The following CNTN5 variants were observed in gnomAD, a reference collection of about 807,000 sequenced individuals.
The protein encoded by CNTN5 is contactin-5.
In CNTN5, 77 loss-of-function variants were observed where a neutral mutation model predicts 129.1. The ratio of observed to expected loss-of-function variants is 0.60; its 90% confidence interval spans 0.50 to 0.72. CNTN5 has a LOEUF of 0.72. Ranked by LOEUF, CNTN5 falls within the 30% of genes least tolerant of loss-of-function variation. The pLI is 0.00. For synonymous variants in CNTN5, 509 were observed against 465.6 expected (o/e 1.09, Z -1.20); for missense variants, 1,478 against 1,328.8 (o/e 1.11, Z -1.75).
In CNTN5 at chr11:99,846,269, A is replaced by C. The variant is rs189037409; in HGVS notation, c.577+1007A>C. Among the ~76,000 whole-genome samples the C allele has an allele frequency of 4.3e-3, 630 of 148,198 alleles. 18 individuals are homozygous for C. The highest frequency in any genetic ancestry group is 0.036 in the Admixed American group (520 of 14,460). ...GCTACCTGGGAGGCTGAGGCAGGAGAATTGCTTGAACCTGGGAGGTGGAGG... is the reference window on the plus strand; with the variant it reads ...GCTACCTGGGAGGCTGAGGCAGGAGCATTGCTTGAACCTGGGAGGTGGAGG... On this transcript the variant is annotated intron_variant, in intron 6 of 24. Transcript: ENST00000524871.
At chr11:99,112,357 G>A (rs554980198) in intron 1 of CNTN5, among the ~76,000 whole-genome samples, 5 of 151,884 alleles carry the variant, frequency 3.3e-5, no homozygotes, top group Non-Finnish European at 1.5e-5. Flanking sequence ...TCTGAAATAC[G>A]CTTTTTCCTA....
intron 4 of CNTN5, among the ~76,000 whole-genome samples, chr11:99,840,716 G>A (rs765481256): frequency 1.6e-4 from 25 of 152,076 alleles, no homozygotes; most frequent in Non-Finnish European, 3.4e-4. Flanking sequence ...CAAATGTGTC[G>A]AAGGCTTCTA....
chr11:99,254,524 C>T (rs1449209597), intron 1 of CNTN5, among the ~76,000 whole-genome samples: 1 of 151,846 alleles, frequency 6.6e-6, no homozygotes, highest in Non-Finnish European at 1.5e-5. Context: ...ATTGCTTTGG[C>T]TAATTTTATT....
At chr11:99,206,831 T>C (rs904189650) in intron 1 of CNTN5, among the ~76,000 whole-genome samples, 5 of 152,184 alleles carry the variant, frequency 3.3e-5, no homozygotes, top group African/African-American at 1.2e-4. Flanking sequence ...TAGAATTTTA[T>C]TTAACTTTTC....
chr11:99,489,328 C>T (rs139090127), intron 2 of CNTN5, among the ~76,000 whole-genome samples: 3 of 152,072 alleles, frequency 2.0e-5, no homozygotes, highest in South Asian at 2.1e-4. Context: ...TGCAATAGAG[C>T]GTTATTTATT....
chr11:99,108,733 T>A (rs1857639041), intron 1 of CNTN5, among the ~76,000 whole-genome samples: 1 of 152,064 alleles, frequency 6.6e-6, no homozygotes, highest in Non-Finnish European at 1.5e-5. Context: ...TTTTTTAACA[T>A]TGACAACTTT....
chr11:99,327,885 C>T (rs1865847851), intron 2 of CNTN5, among the ~76,000 whole-genome samples: 1 of 152,174 alleles, frequency 6.6e-6, no homozygotes, highest in African/African-American at 2.4e-5. Context: ...TTATACAACT[C>T]ATCCAGGAGA....
At chr11:99,464,504 G>T (rs1481831420) in intron 2 of CNTN5, among the ~76,000 whole-genome samples, 1 of 152,138 alleles carries the variant, frequency 6.6e-6, no homozygotes, top group Non-Finnish European at 1.5e-5. Flanking sequence ...TATAAAAAAA[G>T]AAGATGTCTA....
At chr11:99,621,465 A>T (rs1950947615) in intron 3 of CNTN5, among the ~76,000 whole-genome samples, 1 of 152,236 alleles carries the variant, frequency 6.6e-6, no homozygotes, top group African/African-American at 2.4e-5. Context: ...TGCCAAGATT[A>T]TTAAAACAGC....
intron 1 of CNTN5, among the ~76,000 whole-genome samples, chr11:99,128,495 G>A (rs2135426364): frequency 6.6e-6 from 1 of 152,314 alleles, no homozygotes; most frequent in East Asian, 1.9e-4. Flanking sequence ...CCTCTGCCAG[G>A]GACAGAGCAC....
At chr11:100,025,527 C>A (rs1054051227) in intron 9 of CNTN5, among the ~76,000 whole-genome samples, 2 of 152,138 alleles carry the variant, frequency 1.3e-5, no homozygotes, top group African/African-American at 4.8e-5. Flanking sequence ...AATGATAGAT[C>A]CACTGACAGC....
At chr11:100,237,189 A>T (rs1171563962) in intron 16 of CNTN5, among the ~76,000 whole-genome samples, 10 of 96,112 alleles carry the variant, frequency 1.0e-4, no homozygotes, top group African/African-American at 3.2e-4. Flanking sequence ...ACTCCGTCTC[A>T]AAAAAAAAAA....
chr11:99,560,853 G>T (rs1948820132), intron 3 of CNTN5, among the ~76,000 whole-genome samples: 4 of 152,114 alleles, frequency 2.6e-5, no homozygotes, highest in Admixed American at 2.6e-4. Context: ...AAGAGAAGAA[G>T]TTTAGAATGA....
At chr11:99,587,222 G>A (rs1292323811) in intron 3 of CNTN5, among the ~76,000 whole-genome samples, 1 of 152,186 alleles carries the variant, frequency 6.6e-6, no homozygotes, top group East Asian at 1.9e-4. Context: ...AGCGGCTATA[G>A]AAGCTGCCTA....
At chr11:99,917,358 C>G (rs1174578524) in intron 7 of CNTN5, among the ~76,000 whole-genome samples, 1 of 151,994 alleles carries the variant, frequency 6.6e-6, no homozygotes, top group Non-Finnish European at 1.5e-5. Context: ...GATTTAGGTT[C>G]TTTCAAGACA....
chr11:99,077,844 C>T (rs1252251831), intron 1 of CNTN5, among the ~76,000 whole-genome samples: 1 of 152,102 alleles, frequency 6.6e-6, no homozygotes, highest in Non-Finnish European at 1.5e-5. Flanking sequence ...TCCCCTTTCC[C>T]TTCCCCTGTA....
At chr11:100,084,915 T>G (rs1944491311) in intron 13 of CNTN5, among the ~76,000 whole-genome samples, 1 of 152,076 alleles carries the variant, frequency 6.6e-6, no homozygotes, top group African/African-American at 2.4e-5. Flanking sequence ...CTATGAAATA[T>G]AAACCGACAG....
intron 3 of CNTN5, among the ~76,000 whole-genome samples, chr11:99,766,214 C>T (rs1307151292): frequency 6.6e-6 from 1 of 152,004 alleles, no homozygotes; most frequent in Non-Finnish European, 1.5e-5. Context: ...AAAGGTATTT[C>T]TGGAAGTTGC....
intron 2 of CNTN5, among the ~76,000 whole-genome samples, chr11:99,539,893 A>G (rs1407255418): frequency 6.6e-6 from 1 of 152,162 alleles, no homozygotes; most frequent in East Asian, 1.9e-4. Flanking sequence ...TACTTGATTT[A>G]GTAATTTGAT....
Sources: gnomAD v4.1 joint callset for allele counts (sites outside exome capture counted in the v4.1 genomes callset) on GRCh38, gnomAD v4.1.1 for gene constraint, MANE v1.5 for transcripts, NCBI Gene and HGNC (gene_info 2026-07-23, HGNC 2026-07-21) for gene names.